FHIT: variants seen among roughly 807,000 people sequenced by gnomAD.
The protein encoded by FHIT is bis(5'-adenosyl)-triphosphatase.
In FHIT, 19 loss-of-function variants were observed where a neutral mutation model predicts 17.9. The observed-to-expected ratio is 1.06, with a 90% confidence interval of 0.74 to 1.56. The LOEUF is 1.56. FHIT is among the 40% of genes most tolerant of loss of function. The pLI is 0.00. For missense variants in FHIT, 248 were observed against 189.2 expected (o/e 1.31, Z -1.82); for synonymous variants, 81 against 69.7 (o/e 1.16, Z -0.81).
chr3:60,804,011 C>T (rs563235566), intron 4 of FHIT, among the ~76,000 whole-genome samples: 39 of 152,320 alleles, frequency 2.6e-4, no homozygotes, highest in African/African-American at 7.0e-4. Flanking sequence ...AACTAATTGC[C>T]ACCCTCGGAT....
chr3:60,484,475 T>C (rs565220712), intron 5 of FHIT, among the ~76,000 whole-genome samples: 3 of 152,266 alleles, frequency 2.0e-5, no homozygotes, highest in South Asian at 4.1e-4. Flanking sequence ...AACAGAGATA[T>C]AGACCAATGG....
At chr3:60,699,109 G>A (rs1327622230) in intron 4 of FHIT, among the ~76,000 whole-genome samples, 2 of 152,082 alleles carry the variant, frequency 1.3e-5, no homozygotes, top group African/African-American at 4.8e-5. Context: ...CTCTGTGTGT[G>A]TATAGTTGTA....
At chr3:60,045,379 G>A (rs1025540109) in intron 5 of FHIT, among the ~76,000 whole-genome samples, 8 of 151,976 alleles carry the variant, frequency 5.3e-5, no homozygotes, top group African/African-American at 1.9e-4. Context: ...TTCTTACATG[G>A]ATGGCAGCAG....
At chr3:60,434,575 C>T (rs1252475684) in intron 5 of FHIT, among the ~76,000 whole-genome samples, 1 of 152,056 alleles carries the variant, frequency 6.6e-6, no homozygotes, top group Non-Finnish European at 1.5e-5. Context: ...ACTGAAAATG[C>T]TACCTGATGT....
At chr3:60,051,844 AAAAC>A (rs769655998) in intron 5 of FHIT, among the ~76,000 whole-genome samples, 33 of 152,298 alleles carry the variant, frequency 2.2e-4, no homozygotes, top group Admixed American at 5.9e-4. Context: ...GGAAAAAAAT[AAAAC>A]AAACAAACAA....
chr3:61,245,756 C>G (rs1359759093), intron 1 of FHIT, among the ~76,000 whole-genome samples: 2 of 151,976 alleles, frequency 1.3e-5, no homozygotes, highest in Admixed American at 6.6e-5. Context: ...AAATATGTAT[C>G]CCATGTGGAA....
intron 3 of FHIT, among the ~76,000 whole-genome samples, chr3:60,989,133 T>G (rs1258986268): frequency 1.3e-5 from 2 of 152,050 alleles, no homozygotes; most frequent in African/African-American, 4.8e-5. Flanking sequence ...CCCATGAAGA[T>G]GACAACACAG....
chr3:60,146,166 G>T (rs912801152), intron 5 of FHIT, among the ~76,000 whole-genome samples: 5 of 151,572 alleles, frequency 3.3e-5, no homozygotes, highest in Admixed American at 6.6e-5. Context: ...AGGTTAATTT[G>T]CTCACATGAC....
At position 60,563,284 on chromosome 3, in the gene FHIT, A is replaced by G. The variant is rs1399280588; in HGVS notation, c.-17-26305T>C. On this transcript the variant is annotated intron_variant, in intron 4 of 9. Transcript: ENST00000492590. ...TTACTGATGAATAGAAATGTGGGGC[A>G]GCAGTTAGGAAAGAGGATGGTCAAA... Among the ~76,000 whole-genome samples the G allele has an allele frequency of 3.9e-5, 6 of 152,340 alleles. No individual in the cohort carries two copies. The East Asian group carries it at 1.2e-3, about 29-fold the overall frequency.
intron 8 of FHIT, among the ~76,000 whole-genome samples, chr3:59,832,791 T>C (rs983828225): frequency 6.6e-6 from 1 of 152,198 alleles, no homozygotes. Context: ...CAAGTGAATC[T>C]GGGGATGCTA....
chr3:60,614,065 G>A (rs2038867129), intron 4 of FHIT, among the ~76,000 whole-genome samples: 1 of 152,032 alleles, frequency 6.6e-6, no homozygotes, highest in East Asian at 1.9e-4. Context: ...AGAAATACAA[G>A]GCAAGCAAAG....
intron 2 of FHIT, among the ~76,000 whole-genome samples, chr3:61,147,740 G>A (rs1260713583): frequency 1.3e-5 from 2 of 152,042 alleles, no homozygotes; most frequent in Non-Finnish European, 2.9e-5. Flanking sequence ...TACAATATGA[G>A]ATCAGGGAGC....
chr3:60,700,783 C>T lies in FHIT; in HGVS notation c.-18+121136G>A, dbSNP rs976220743. ...TACTTGACTGGAAAAGTATTTATTT[C>T]ATTGTGATTTTAATTTGTATTTCCA... On this transcript the variant is annotated intron_variant, in intron 4 of 9. Transcript: ENST00000492590. Among the ~76,000 whole-genome samples the T allele has an allele frequency of 5.3e-5, 8 of 152,058 alleles. No individual in the cohort carries two copies. The South Asian group carries it at 1.2e-3, about 24-fold the overall frequency.
chr3:60,273,029 G>A (rs1706944858), intron 5 of FHIT, among the ~76,000 whole-genome samples: 2 of 152,112 alleles, frequency 1.3e-5, no homozygotes, highest in Admixed American at 6.6e-5. Flanking sequence ...GGTAAACAAT[G>A]GATTAGTAAA....
chr3:59,843,658 T>G lies in FHIT; in HGVS notation c.348+78688A>C, dbSNP rs1157725. On this transcript the variant is annotated intron_variant, in intron 8 of 9. Transcript: ENST00000492590. ...CTAATTCCTAAGTATTTTATTCTTTTTAATTCTCAATTTTCTTTTCAGATT... is the reference window on the plus strand; with the variant it reads ...CTAATTCCTAAGTATTTTATTCTTTGTAATTCTCAATTTTCTTTTCAGATT... Among the ~76,000 whole-genome samples, 652 of 152,340 alleles carry G rather than the reference T, an allele frequency of 4.3e-3. 6 individuals carry two copies. The highest frequency in any genetic ancestry group is 0.015 in the African/African-American group (626 of 41,584).
intron 8 of FHIT, among the ~76,000 whole-genome samples, chr3:59,860,163 G>A (rs2106841121): frequency 6.6e-6 from 1 of 152,304 alleles, no homozygotes; most frequent in East Asian, 1.9e-4. Context: ...GCTCTGAGAA[G>A]AAGAAAATAG....
At chr3:60,035,180 A>G (rs1191056471) in intron 5 of FHIT, among the ~76,000 whole-genome samples, 1 of 152,190 alleles carries the variant, frequency 6.6e-6, no homozygotes, top group Non-Finnish European at 1.5e-5. Context: ...ACTAGGTCCT[A>G]GAAGGATACC....
At chr3:60,505,158 CT>C (rs2034677181) in intron 5 of FHIT, among the ~76,000 whole-genome samples, 1 of 152,160 alleles carries the variant, frequency 6.6e-6, no homozygotes, top group Non-Finnish European at 1.5e-5. Context: ...AAACCCACTA[CT>C]TTTTTTCCTT....
chr3:61,201,646 C>G (rs182705857), intron 1 of FHIT, among the ~76,000 whole-genome samples: 2 of 152,214 alleles, frequency 1.3e-5, no homozygotes, highest in East Asian at 3.9e-4. Flanking sequence ...GCATGACCAC[C>G]AAAGAACAGG....
Sources: gnomAD v4.1 joint callset for allele counts (sites outside exome capture counted in the v4.1 genomes callset) on GRCh38, gnomAD v4.1.1 for gene constraint, MANE v1.5 for transcripts, NCBI Gene and HGNC (gene_info 2026-07-23, HGNC 2026-07-21) for gene names.